HK2: variants seen among roughly 807,000 people sequenced by gnomAD.
The protein encoded by HK2 is hexokinase 2, also known as hexokinase-2.
HK2 carries 42 observed loss-of-function variants against 92.9 expected under a neutral mutation model. The ratio of observed to expected loss-of-function variants is 0.45; its 90% CI spans 0.35 to 0.58. The LOEUF (loss-of-function observed/expected upper bound fraction) is 0.58, where lower values mean the gene tolerates loss of function less well. HK2 is among the 20% of genes least tolerant of loss of function. The pLI, the probability that HK2 is intolerant of heterozygous loss-of-function variation, is 0.00. For missense variants in HK2, 978 were observed against 1,245.1 expected, an observed-to-expected ratio of 0.79 and a Z score of 3.23; for synonymous variants, 422 against 468.0, an observed-to-expected ratio of 0.90 and a Z score of 1.27.
intron 2 of HK2, among the ~76,000 whole-genome samples, chr2:74,857,277 A>G (rs1020363074): frequency 6.6e-6 from 1 of 152,210 alleles, no homozygotes; most frequent in Non-Finnish European, 1.5e-5. Flanking sequence ...CTGCACATCT[A>G]CTAGAACTAT....
At position 74,874,766 on chromosome 2, in the gene HK2, G is replaced by A. The variant is rs139442447; in HGVS notation, c.875+317G>A. ...TGTAAATTGTCCATGGGAACTGTGA[G>A]CCACCTAAGGAAAGTTGTGTTGAGG... On this transcript the variant is annotated intron_variant, in intron 7 of 17. Coordinates refer to ENST00000290573, the MANE Select transcript of HK2 (RefSeq NM_000189.5). 4.0e-3 allele frequency among the ~76,000 whole-genome samples: 616 copies of A among 152,296 alleles called. 7 individuals carry two copies. The highest frequency in any genetic ancestry group is 0.014 in the African/African-American group (594 of 41,552).
chr2:74,879,073 A>C, intron 9 of HK2, 152 bp downstream of exon 9: 1 of 750,498 alleles, frequency 1.3e-6, no homozygotes, highest in Non-Finnish European at 2.4e-6. Context: ...CCACCTGGGC[A>C]AGGGGGAATG....
chr2:74,875,889 C>T (rs961757269), intron 7 of HK2, among the ~76,000 whole-genome samples: 8 of 152,314 alleles, frequency 5.3e-5, no homozygotes, highest in Middle Eastern at 3.4e-3. Flanking sequence ...AGCACACCCC[C>T]GGCTTATCCT....
intron 1 of HK2, among the ~76,000 whole-genome samples, chr2:74,848,278 T>G (rs1430557495): frequency 6.6e-6 from 1 of 152,248 alleles, no homozygotes; most frequent in Admixed American, 6.5e-5. Context: ...CTCATTGATC[T>G]ATAATATGAG....
At chr2:74,860,980 A>C (rs1190400579) in intron 2 of HK2, among the ~76,000 whole-genome samples, 2 of 152,172 alleles carry the variant, frequency 1.3e-5, no homozygotes, top group African/African-American at 2.4e-5. Flanking sequence ...TAGGAAACAC[A>C]CCATCTTGAC....
intron 1 of HK2, among the ~76,000 whole-genome samples, chr2:74,843,486 G>T (rs1688364360): frequency 6.6e-6 from 1 of 152,120 alleles, no homozygotes; most frequent in African/African-American, 2.4e-5. Flanking sequence ...CATTTTGTTT[G>T]CAGATGGATC....
intron 2 of HK2, among the ~76,000 whole-genome samples, chr2:74,860,422 C>T (rs1016918917): frequency 6.6e-6 from 1 of 152,328 alleles, no homozygotes; most frequent in Non-Finnish European, 1.5e-5. Flanking sequence ...AATCCCTGTA[C>T]CTGATCCCCC....
In HK2 at chr2:74,834,594, A is replaced by G; in HGVS notation, c.14A>G (p.His5Arg). Reference protein sequence around the residue: MIASHLLAYFFTELN... With the variant: MIASRLLAYFFTELN... ...GGCCGCGGCAGGATGATTGCCTCGC[A>G]TCTGCTTGCCTACTTCTTCACGGAG... The change falls in exon 1 of 18, where the codon CAT becomes CGT. Residue 5 changes from histidine (H) to arginine (R), a missense_variant. Coordinates refer to ENST00000290573, the MANE Select transcript of HK2 (RefSeq NM_000189.5). The surrounding 1 kb of genome is among the most constrained non-coding windows in gnomAD (Gnocchi z 4.2). The G allele has an allele frequency of 6.2e-7, 1 of 1,613,896 alleles. No individual in the cohort carries two copies. The highest frequency in any genetic ancestry group is 1.1e-5 in the South Asian group (1 of 91,086).
intron 2 of HK2, among the ~76,000 whole-genome samples, chr2:74,864,989 G>A (rs1372960379): frequency 6.6e-6 from 1 of 152,206 alleles, no homozygotes; most frequent in Non-Finnish European, 1.5e-5. Context: ...AATGAGGCCT[G>A]CCTACCTGTC....
intron 9 of HK2, among the ~76,000 whole-genome samples, chr2:74,880,044 C>T (rs1689342123): frequency 6.6e-6 from 1 of 152,156 alleles, no homozygotes; most frequent in Non-Finnish European, 1.5e-5. Flanking sequence ...AGGTCTTTTC[C>T]TTTCATTGGC....
intron 17 of HK2, 29 bp downstream of exon 17, chr2:74,889,507 C>A: frequency 7.2e-7 from 1 of 1,381,106 alleles, no homozygotes. Flanking sequence ...CCCCCCCTGC[C>A]TACCTTCTTT....
At chr2:74,857,985 T>C (rs1156706163) in intron 2 of HK2, among the ~76,000 whole-genome samples, 1 of 152,180 alleles carries the variant, frequency 6.6e-6, no homozygotes, top group African/African-American at 2.4e-5. Flanking sequence ...AGTGCCACCT[T>C]TCTCAGAACA....
chr2:74,834,731 G>A lies in HK2; in HGVS notation c.63+88G>A, dbSNP rs1688107943. 3.9e-5 allele frequency: 57 copies of A among 1,445,882 alleles called. 1 individual carries two copies. The South Asian group carries it at 6.3e-4, about 16-fold the overall frequency. 89.6% of individuals were successfully genotyped at this position (1,445,882 alleles called of 1,614,324 possible). A position where few individuals can be genotyped will look rare whatever the true frequency, so the allele number is the denominator to read the frequency against. On this transcript the variant is annotated intron_variant, in intron 1 of 17. Transcript: ENST00000290573. The surrounding 1 kb of genome is among the most constrained non-coding windows in gnomAD (Gnocchi z 4.2). ...CTCTTCCTCGACCCTGCGGGGACCC[G>A]CTTCCTCCCTACTCCGGGCCTGGGA...
intron 1 of HK2, chr2:74,835,078 G>A (rs960866057): frequency 3.9e-6 from 1 of 255,266 alleles, no homozygotes; most frequent in South Asian, 4.2e-5. Context: ...GGGCCGCCGG[G>A]GGCCGTCCGC....
chr2:74,851,143 A>G (rs1448017999), intron 1 of HK2, among the ~76,000 whole-genome samples: 1 of 152,214 alleles, frequency 6.6e-6, no homozygotes, highest in African/African-American at 2.4e-5. Flanking sequence ...AGGACAGGCG[A>G]GGGTGGCTGT....
At chr2:74,844,738 G>A (rs138721559) in intron 1 of HK2, among the ~76,000 whole-genome samples, 1,856 of 152,258 alleles carry the variant, frequency 0.012, 36 homozygotes, top group African/African-American at 0.043. Flanking sequence ...TCCTAGGCAG[G>A]GCAGACAGGT....
rs370250710 is a variant in HK2, at chr2:74,872,281, C to A, written c.376-19C>A. ...CTGTTCGACCTCTCTGCTCACCACC[C>A]TGTGTCATGTATCCTTAGCTGTTTG... is the stretch of plus-strand genomic sequence containing the variant. On this transcript the variant is annotated intron_variant, in intron 3 of 17. Transcript: ENST00000290573. 6.2e-7 allele frequency: 1 copy of A among 1,613,686 alleles called. No individual in the cohort carries two copies. The highest frequency in any genetic ancestry group is 1.3e-5 in the African/African-American group (1 of 75,018).
chr2:74,884,192 G>A (rs936396501), intron 12 of HK2, among the ~76,000 whole-genome samples: 5 of 152,200 alleles, frequency 3.3e-5, no homozygotes, highest in African/African-American at 1.2e-4. Flanking sequence ...CAGGCCATTG[G>A]ATTAGGTTTT....
intron 5 of HK2, 102 bp from the exon 6 acceptor site, chr2:74,873,742 A>AAGGAGGAG: frequency 1.5e-6 from 1 of 667,724 alleles, no homozygotes; most frequent in Non-Finnish European, 2.6e-6. Context: ...GGGGAGAGAG[A>AAGGAGGAG]GAGAAGGAGG....
Sources: allele counts gnomAD v4.1 joint callset (sites outside exome capture counted in the v4.1 genomes callset), GRCh38; gene constraint gnomAD v4.1.1; non-coding constraint Gnocchi (gnomAD v3.1); transcripts MANE v1.5; gene names NCBI Gene and HGNC (gene_info 2026-07-23, HGNC 2026-07-21).